Variants in DIAPH1 observed in about 807,000 individuals in gnomAD.
DIAPH1 encodes protein diaphanous homolog 1.
Under a neutral mutation model 140.7 loss-of-function variants are expected in DIAPH1, and 46 were observed. The ratio of observed to expected loss-of-function variants is 0.33; its 90% confidence interval spans 0.26 to 0.42. The LOEUF is 0.42. Among genes scored for constraint, DIAPH1 ranks in the 10% least tolerant of loss-of-function variants. The pLI is 1.00. For missense variants in DIAPH1, 1,310 were observed against 1,558.7 expected (o/e 0.84, Z 2.69); for synonymous variants, 565 against 551.6 (o/e 1.02, Z -0.34).
At chr5:141,551,594 A>AAATGCAGGAAATTTTTTGT (rs1156537750) in intron 18 of DIAPH1, among the ~76,000 whole-genome samples, 60 of 152,352 alleles carry the variant, frequency 3.9e-4, no homozygotes, top group African/African-American at 1.3e-3. Context: ...GTGGTCAAGC[A>AAATGCAGGAAATTTTTTGT]AATGCAGGAA....
chr5:141,572,147 T>C lies in DIAPH1; in HGVS notation c.2359-107A>G, dbSNP rs1047551042. ...TAGGTGGCTGGCTGATTATCAGCAATGTCTTACTAGAATAAGACTAACTTG... is the reference window on the plus strand; with the variant it reads ...TAGGTGGCTGGCTGATTATCAGCAACGTCTTACTAGAATAAGACTAACTTG... On this transcript the variant is annotated intron_variant, in intron 16 of 27. Transcript: ENST00000389054. The C allele has an allele frequency of 6.4e-6, 5 of 775,680 alleles. No individual in the cohort carries two copies. In the African/African-American group the frequency reaches 6.8e-5, roughly 11 times the overall value. The allele number at this position is 775,680 out of a possible 1,614,324, so 48.0% of individuals were successfully genotyped here.
rs376427289 is a variant in DIAPH1 at position 141,528,659 on chromosome 5, T to C, written c.3018+43A>G. The C allele has an allele frequency of 1.5e-5, 25 of 1,614,136 alleles. No individual in the cohort carries two copies. The African/African-American group carries it at 2.5e-4, about 16-fold the overall frequency. On this transcript the variant is annotated intron_variant, in intron 22 of 27. Transcript: ENST00000389054. The stretch of plus-strand genomic sequence containing the variant: ...CTGCCAACACTGAACTCATAGAGGC[T>C]ACAGCCTTCCTTGTGTTGTCCTGCC...
intron 1 of DIAPH1, chr5:141,618,528 C>G (rs1351432231): frequency 2.8e-6 from 1 of 357,966 alleles, no homozygotes; most frequent in Non-Finnish European, 5.2e-6. Flanking sequence ...GAGAGCCGGC[C>G]GGGGATATGC....
At chr5:141,544,218 G>A (rs2154595459) in intron 18 of DIAPH1, among the ~76,000 whole-genome samples, 1 of 152,252 alleles carries the variant, frequency 6.6e-6, no homozygotes, top group East Asian at 1.9e-4. Context: ...GCTGAGGCAG[G>A]AGAATGGTGT....
intron 2 of DIAPH1, 149 bp downstream of exon 2, chr5:141,588,075 A>G: frequency 1.4e-6 from 1 of 726,768 alleles, no homozygotes; most frequent in East Asian, 2.7e-5. Context: ...GGCCAAACAC[A>G]GCAAAGAGTT....
rs2099887790 is a variant in DIAPH1, at chr5:141,528,904, G to A, written c.2816C>T (p.Ala939Val). 1.2e-6 allele frequency: 2 copies of A among 1,613,980 alleles called. No individual in the cohort carries two copies. The highest frequency in any genetic ancestry group is 8.5e-7 in the Non-Finnish European group (1 of 1,180,056). ...GCTGAATTGTAGCTTGAAGAGAATG[G>A]CATTGAGGCGAGGCCGCAGTCGGGG... ...TVPRLRPRLN[A>V]ILFKLQFSEQ... is the part of the protein sequence containing the mutation. Residue 939 changes from alanine (A) to valine (V), a missense_variant, in exon 22 of 28, where the codon GCC becomes GTC. By Grantham distance (64) the Ala-to-Val change is moderately conservative. Around this residue, in one of 3 missense-constraint regions of DIAPH1, gnomAD observed 344 missense variants for 512.2 expected, o/e 0.67. Transcript: ENST00000389054.
intron 18 of DIAPH1, among the ~76,000 whole-genome samples, chr5:141,539,112 T>C (rs1240020542): frequency 6.6e-6 from 1 of 151,682 alleles, no homozygotes; most frequent in African/African-American, 2.4e-5. Flanking sequence ...CTGTCTCTAC[T>C]AAAAATATTA....
chr5:141,612,268 T>C (rs1026776999), intron 1 of DIAPH1, among the ~76,000 whole-genome samples: 15 of 152,188 alleles, frequency 9.9e-5, no homozygotes, highest in African/African-American at 2.7e-4. Flanking sequence ...CAATTAAGCA[T>C]AGATCTACCA....
chr5:141,613,836 T>G (rs1300794265), intron 1 of DIAPH1, among the ~76,000 whole-genome samples: 4 of 152,214 alleles, frequency 2.6e-5, no homozygotes, highest in African/African-American at 4.8e-5. Context: ...CTTTTCAATT[T>G]TAGCTTAAAA....
intron 19 of DIAPH1, among the ~76,000 whole-genome samples, 155 bp from the exon 20 acceptor site, chr5:141,529,852 G>A (rs1318989266): frequency 3.3e-5 from 5 of 152,174 alleles, no homozygotes; most frequent in Non-Finnish European, 7.3e-5. Context: ...GGGAGGCCAA[G>A]GTGGGCGGAT....
chr5:141,550,034 G>C (rs1478158704), intron 18 of DIAPH1, among the ~76,000 whole-genome samples: 3 of 151,988 alleles, frequency 2.0e-5, no homozygotes, highest in Non-Finnish European at 4.4e-5. Context: ...AGCTATACCA[G>C]GCAAATTCTA....
chr5:141,572,635 A>C (rs1252932725), intron 16 of DIAPH1, among the ~76,000 whole-genome samples: 6 of 152,048 alleles, frequency 3.9e-5, no homozygotes, highest in Non-Finnish European at 7.4e-5. Flanking sequence ...CCCCATCTCT[A>C]CTAAAAATAC....
At chr5:141,591,695 G>GATAGATAT (rs1554210985) in intron 1 of DIAPH1, among the ~76,000 whole-genome samples, 7 of 86,326 alleles carry the variant, frequency 8.1e-5, no homozygotes, top group African/African-American at 3.4e-4. Flanking sequence ...GGGAGATGGG[G>GATAGATAT]ATATATATAT....
chr5:141,550,478 T>C (rs1289632613), intron 18 of DIAPH1: 1 of 154,426 alleles, frequency 6.5e-6, no homozygotes, highest in African/African-American at 2.4e-5. Context: ...CAAGCTGATA[T>C]GAAAGTCTAG....
intron 1 of DIAPH1, among the ~76,000 whole-genome samples, chr5:141,616,567 A>G (rs2099902717): frequency 1.3e-5 from 2 of 152,192 alleles, no homozygotes; most frequent in African/African-American, 4.8e-5. Context: ...AGACACAAAG[A>G]GAAGTGGATT....
chr5:141,582,517 C>T, intron 6 of DIAPH1, 142 bp from the exon 7 acceptor site: 1 of 672,046 alleles, frequency 1.5e-6, no homozygotes, highest in Middle Eastern at 3.6e-4. Flanking sequence ...TGCCCAGAAC[C>T]ACTGAAGAAA....
At position 141,527,710 on chromosome 5, in the gene DIAPH1, A is replaced by AAAAAAAAAAAAAAC; in HGVS notation, c.3149-14_3149-13insGTTTTTTTTTTTTT. ...TTTTCAGCAGAAACTAAAAAAAAAA[A>AAAAAAAAAAAAAAC]AAAAAAAAAAAACCATAAAAACAGA... On this transcript the variant is annotated splice_polypyrimidine_tract_variant and intron_variant, in intron 23 of 27. Coordinates refer to ENST00000389054, the MANE Select transcript of DIAPH1 (RefSeq NM_005219.5). 2 of 1,566,572 alleles carry AAAAAAAAAAAAAAC rather than the reference A, an allele frequency of 1.3e-6. No homozygotes were observed. Among genetic ancestry groups the AAAAAAAAAAAAAAC allele is most frequent in the South Asian group, 1.2e-5 (1 of 83,560 alleles).
chr5:141,572,110 G>A, intron 16 of DIAPH1, 70 bp from the exon 17 acceptor site: 1 of 1,126,226 alleles, frequency 8.9e-7, no homozygotes. Flanking sequence ...GAAAACGGAT[G>A]AGGCTGTAAA....
At chr5:141,537,483 CAAAAAAAAAA>C (rs34323841) in intron 18 of DIAPH1, among the ~76,000 whole-genome samples, 4 of 36,950 alleles carry the variant, frequency 1.1e-4, no homozygotes, top group Admixed American at 7.5e-4. Flanking sequence ...AACTCCGTCT[CAAAAAAAAAA>C]AAAAAAAAAA....
Sources: allele counts gnomAD v4.1 joint callset (sites outside exome capture counted in the v4.1 genomes callset), GRCh38; gene constraint gnomAD v4.1.1; regional missense constraint gnomAD v4.1.1; transcripts MANE v1.5; gene names NCBI Gene and HGNC (gene_info 2026-07-23, HGNC 2026-07-21).